Variants in DCC observed in about 807,000 individuals in gnomAD.
DCC encodes the protein netrin receptor DCC.
Under a neutral mutation model 172.5 loss-of-function variants are expected in DCC, and 58 were observed. The observed-to-expected ratio is 0.34, with a 90% CI of 0.27 to 0.42. DCC has a LOEUF of 0.42. DCC is among the 10% of genes least tolerant of loss of function. The pLI, the probability that DCC is intolerant of heterozygous loss-of-function variation, is 1.00. For missense variants in DCC, 1,740 were observed against 1,791.0 expected (o/e 0.97, Z 0.51); for synonymous variants, 709 against 644.5 (o/e 1.10, Z -1.52).
intron 1 of DCC, among the ~76,000 whole-genome samples, chr18:52,448,975 A>T (rs1248965123): frequency 1.3e-5 from 2 of 152,262 alleles, no homozygotes; most frequent in Non-Finnish European, 1.5e-5. Context: ...GCTGATAAAG[A>T]CATACCCAAG....
At chr18:52,555,019 TGAAGGTG>T (rs145972547) in intron 1 of DCC, among the ~76,000 whole-genome samples, 2,475 of 152,114 alleles carry the variant, frequency 0.016, 87 homozygotes, top group African/African-American at 0.057. Flanking sequence ...TTCAAAAGAC[TGAAGGTG>T]GAAGGTGGGG....
chr18:52,801,343 G>A (rs11665089), intron 2 of DCC, among the ~76,000 whole-genome samples: 87,746 of 151,736 alleles, frequency 0.58, 28,860 homozygotes, highest in East Asian at 0.85. Flanking sequence ...CAGCTCACAC[G>A]TATGGAGGAC....
intron 5 of DCC, among the ~76,000 whole-genome samples, chr18:52,929,508 CA>C (rs1199907367): frequency 2.6e-5 from 4 of 152,074 alleles, no homozygotes; most frequent in Non-Finnish European, 4.4e-5. Flanking sequence ...GAAAGGCTGA[CA>C]GGGGAGCAGG....
intron 1 of DCC, among the ~76,000 whole-genome samples, chr18:52,657,418 G>A (rs1266068085): frequency 6.6e-6 from 1 of 152,174 alleles, no homozygotes; most frequent in East Asian, 1.9e-4. Context: ...TTGCTGAGGG[G>A]CCCCTTAGGA....
chr18:53,359,178 A>T (rs1257350569), intron 15 of DCC, among the ~76,000 whole-genome samples: 1 of 152,170 alleles, frequency 6.6e-6, no homozygotes, highest in Non-Finnish European at 1.5e-5. Context: ...AAATAGAGAG[A>T]TAACTTGAGT....
intron 18 of DCC, among the ~76,000 whole-genome samples, chr18:53,398,858 T>C (rs1435248442): frequency 6.6e-6 from 1 of 152,124 alleles, no homozygotes; most frequent in East Asian, 1.9e-4. Context: ...AAATAGCACA[T>C]GGATAGGATC....
chr18:52,607,256 A>G (rs1317686609), intron 1 of DCC, among the ~76,000 whole-genome samples: 2 of 152,098 alleles, frequency 1.3e-5, no homozygotes, highest in Admixed American at 6.6e-5. Flanking sequence ...TATGGCATCC[A>G]TCACTTTTGC....
intron 5 of DCC, among the ~76,000 whole-genome samples, chr18:53,004,715 T>TG (rs2041619036): frequency 6.6e-6 from 1 of 151,744 alleles, no homozygotes; most frequent in East Asian, 1.9e-4. Context: ...TTTGTTTGTT[T>TG]TTTCTTGCCT....
At chr18:52,844,552 T>C (rs1164669140) in intron 2 of DCC, among the ~76,000 whole-genome samples, 2 of 152,236 alleles carry the variant, frequency 1.3e-5, no homozygotes, top group Admixed American at 6.5e-5. Flanking sequence ...CTCATCATGG[T>C]ATACATTATT....
chr18:52,438,969 G>A (rs888435763), intron 1 of DCC, among the ~76,000 whole-genome samples: 20 of 152,120 alleles, frequency 1.3e-4, no homozygotes, highest in African/African-American at 4.3e-4. Flanking sequence ...ATGAATAGTG[G>A]CCAAACACTT....
chr18:53,337,019 A>C (rs557419256), intron 14 of DCC, among the ~76,000 whole-genome samples: 1 of 152,362 alleles, frequency 6.6e-6, no homozygotes, highest in South Asian at 2.1e-4. Flanking sequence ...TGAAGGATAA[A>C]GTGGAGTCTT....
chr18:53,162,229 G>A (rs150482991), intron 8 of DCC, among the ~76,000 whole-genome samples: 4 of 151,422 alleles, frequency 2.6e-5, no homozygotes, highest in African/African-American at 9.7e-5. Flanking sequence ...AACCTGGGAG[G>A]TGGAGATGGC....
intron 5 of DCC, among the ~76,000 whole-genome samples, chr18:53,056,832 G>T (rs556710624): frequency 1.8e-4 from 27 of 151,730 alleles, no homozygotes; most frequent in Admixed American, 3.9e-4. Flanking sequence ...TACTCAGTTT[G>T]TGTTGTTCAG....
chr18:52,572,023 T>C (rs1459940372), intron 1 of DCC, among the ~76,000 whole-genome samples: 2 of 152,216 alleles, frequency 1.3e-5, no homozygotes, highest in African/African-American at 4.8e-5. Flanking sequence ...TTACATGGAA[T>C]ACAATATGAC....
intron 24 of DCC, among the ~76,000 whole-genome samples, chr18:53,460,535 GGT>G (rs1491548497): frequency 6.8e-6 from 1 of 147,770 alleles, no homozygotes; most frequent in Non-Finnish European, 1.5e-5. Context: ...TGTGGTGTTT[GGT>G]TTTTTGTTCT....
chr18:53,449,908 C>T (rs1414651783), intron 22 of DCC, among the ~76,000 whole-genome samples: 1 of 152,010 alleles, frequency 6.6e-6, no homozygotes, highest in African/African-American at 2.4e-5. Flanking sequence ...CCCCATTCAC[C>T]CCTCTTTCCA....
chr18:52,770,110 A>T (rs974175374), intron 2 of DCC, among the ~76,000 whole-genome samples: 5 of 152,184 alleles, frequency 3.3e-5, no homozygotes, highest in Non-Finnish European at 7.3e-5. Flanking sequence ...CCTTTAGTGA[A>T]ATATAAAGCC....
At chr18:52,769,330 A>G (rs1047469207) in intron 2 of DCC, among the ~76,000 whole-genome samples, 5 of 152,194 alleles carry the variant, frequency 3.3e-5, no homozygotes, top group Non-Finnish European at 1.5e-5. Flanking sequence ...ATGACATATG[A>G]TATAGAATAT....
intron 5 of DCC, among the ~76,000 whole-genome samples, chr18:53,051,763 CATCTTAT>C (rs1322003760): frequency 6.6e-6 from 1 of 152,030 alleles, no homozygotes; most frequent in Admixed American, 6.6e-5. Context: ...ATTTACTCTT[CATCTTAT>C]ATCTTATATA....
Sources: gnomAD v4.1 joint callset for allele counts (sites outside exome capture counted in the v4.1 genomes callset) on GRCh38, gnomAD v4.1.1 for gene constraint, MANE v1.5 for transcripts, NCBI Gene and HGNC (gene_info 2026-07-23, HGNC 2026-07-21) for gene names.